Variants in UBE2R2 observed in about 807,000 individuals in gnomAD.
UBE2R2 encodes ubiquitin conjugating enzyme E2 R2.
A neutral mutation model predicts 27.8 loss-of-function variants in UBE2R2; 1 was observed. The ratio of observed to expected loss-of-function variants is 0.04; its 90% CI spans 0.01 to 0.17. The LOEUF (loss-of-function observed/expected upper bound fraction) is 0.17, where lower values mean the gene tolerates loss of function less well. UBE2R2 is among the 10% of genes least tolerant of loss of function. UBE2R2 has a pLI of 1.00. For missense variants in UBE2R2, 100 were observed against 291.0 expected (o/e 0.34, Z 4.78); for synonymous variants, 106 against 113.3 (o/e 0.94, Z 0.41).
At chr9:33,890,724 T>G (rs59591241) in intron 2 of UBE2R2, among the ~76,000 whole-genome samples, 1 of 150,642 alleles carries the variant, frequency 6.6e-6, no homozygotes, top group East Asian at 2.0e-4. Context: ...GCAAGAGAAT[T>G]GCTTGAACCC....
chr9:33,872,071 G>T (rs1320274570), intron 1 of UBE2R2, among the ~76,000 whole-genome samples: 2 of 151,916 alleles, frequency 1.3e-5, no homozygotes, highest in Admixed American at 1.3e-4. Context: ...TTTACCTCAT[G>T]AATAATTTTT....
chr9:33,838,710 C>T (rs889073094), intron 1 of UBE2R2, among the ~76,000 whole-genome samples: 1 of 152,064 alleles, frequency 6.6e-6, no homozygotes, highest in Non-Finnish European at 1.5e-5. Context: ...TAGCTCTTTA[C>T]CTCCTTCTTG....
At chr9:33,891,159 C>T (rs148108369) in intron 2 of UBE2R2, among the ~76,000 whole-genome samples, 9,065 of 150,464 alleles carry the variant, frequency 0.06, 619 homozygotes, top group African/African-American at 0.17. Flanking sequence ...AAGCTATTCT[C>T]CTGCCTCAGC....
intron 1 of UBE2R2, among the ~76,000 whole-genome samples, chr9:33,846,281 G>A (rs548104972): frequency 1.2e-4 from 19 of 152,254 alleles, no homozygotes; most frequent in Admixed American, 1.0e-3. Context: ...AGGTAACAGC[G>A]AAACTCCATC....
intron 1 of UBE2R2, among the ~76,000 whole-genome samples, chr9:33,824,075 G>A (rs1216367911): frequency 1.3e-5 from 2 of 152,132 alleles, no homozygotes; most frequent in Non-Finnish European, 2.9e-5. Context: ...ACTTTTTGTT[G>A]TTTCTCAGAA....
At chr9:33,898,230 T>C (rs928521699) in intron 2 of UBE2R2, among the ~76,000 whole-genome samples, 1 of 151,692 alleles carries the variant, frequency 6.6e-6, no homozygotes, top group Non-Finnish European at 1.5e-5. Context: ...CGATTACAGG[T>C]GCCACCACGC....
chr9:33,886,361 T>C (rs1212751371), intron 1 of UBE2R2, among the ~76,000 whole-genome samples: 1 of 152,116 alleles, frequency 6.6e-6, no homozygotes, highest in Admixed American at 6.6e-5. Context: ...TGACTTAAAA[T>C]AGCCTTTTAT....
intron 1 of UBE2R2, among the ~76,000 whole-genome samples, chr9:33,819,782 G>A (rs1334672422): frequency 2.0e-5 from 3 of 152,192 alleles, no homozygotes; most frequent in African/African-American, 7.2e-5. Flanking sequence ...GGGACTACAG[G>A]CGCACGCCAC....
At chr9:33,900,939 C>G (rs1370893132) in intron 3 of UBE2R2, among the ~76,000 whole-genome samples, 1 of 152,074 alleles carries the variant, frequency 6.6e-6, no homozygotes, top group Non-Finnish European at 1.5e-5. Context: ...CTCTCTCTCT[C>G]TCTCTGTTTC....
chr9:33,860,919 C>T (rs1027786660), intron 1 of UBE2R2, among the ~76,000 whole-genome samples: 4 of 124,618 alleles, frequency 3.2e-5, no homozygotes, highest in African/African-American at 5.9e-5. Context: ...TCCCCACAAT[C>T]GTTAACCCTG....
intron 1 of UBE2R2, among the ~76,000 whole-genome samples, chr9:33,855,183 C>G (rs1399743947): frequency 6.6e-6 from 1 of 152,184 alleles, no homozygotes. Context: ...GCAGTACATA[C>G]TGCCCCTCAT....
Position 33,903,207 on chromosome 9 carries a change from T to G in UBE2R2, c.362+2936T>G, listed in dbSNP as rs532776806. 3.3e-5 allele frequency among the ~76,000 whole-genome samples: 5 copies of G among 152,348 alleles called. No individual in the cohort carries two copies. The South Asian group carries it at 1.0e-3, about 32-fold the overall frequency. ...TAGCACATTATTTTGACATTATAATTAGACAATGTGTATAAAAGTTTTTAA... is the reference window on the plus strand; with the variant it reads ...TAGCACATTATTTTGACATTATAATGAGACAATGTGTATAAAAGTTTTTAA... On this transcript the variant is annotated intron_variant, in intron 3 of 4. Coordinates refer to ENST00000263228, the MANE Select transcript of UBE2R2 (RefSeq NM_017811.4).
At chr9:33,831,010 A>G (rs947859516) in intron 1 of UBE2R2, 3 of 147,842 alleles carry the variant, frequency 2.0e-5, no homozygotes, top group South Asian at 4.3e-4. Context: ...TTTACAACCT[A>G]TTGATCACAA....
intron 2 of UBE2R2, among the ~76,000 whole-genome samples, chr9:33,887,963 C>A (rs543923548): frequency 6.6e-6 from 1 of 152,360 alleles, no homozygotes; most frequent in South Asian, 2.1e-4. Context: ...GCGTGAGCCA[C>A]CGCGCCTGGC....
At chr9:33,826,109 G>A (rs1399912381) in intron 1 of UBE2R2, among the ~76,000 whole-genome samples, 1 of 149,014 alleles carries the variant, frequency 6.7e-6, no homozygotes, top group Non-Finnish European at 1.5e-5. Flanking sequence ...TTGTGCCACT[G>A]CACTCCAGCC....
At chr9:33,858,305 C>G (rs1821152284) in intron 1 of UBE2R2, among the ~76,000 whole-genome samples, 1 of 152,134 alleles carries the variant, frequency 6.6e-6, no homozygotes, top group Non-Finnish European at 1.5e-5. Context: ...TCTGTCCCGT[C>G]TTTACATTCT....
intron 1 of UBE2R2, among the ~76,000 whole-genome samples, chr9:33,855,832 C>G (rs1821089061): frequency 6.6e-6 from 1 of 152,212 alleles, no homozygotes; most frequent in African/African-American, 2.4e-5. Flanking sequence ...AATCCCAGCA[C>G]TTTGGGAGGC....
chr9:33,824,906 C>A (rs1333109960), intron 1 of UBE2R2, among the ~76,000 whole-genome samples: 1 of 151,606 alleles, frequency 6.6e-6, no homozygotes, highest in Non-Finnish European at 1.5e-5. Flanking sequence ...TCATTGAAAT[C>A]TTTTGGTAAA....
At chr9:33,892,176 A>G (rs1039853229) in intron 2 of UBE2R2, among the ~76,000 whole-genome samples, 15 of 151,894 alleles carry the variant, frequency 9.9e-5, no homozygotes, top group Non-Finnish European at 1.9e-4. Context: ...TGCACAATCT[A>G]TTTCCTTTCT....
Sources: gnomAD v4.1 joint callset for allele counts (sites outside exome capture counted in the v4.1 genomes callset) on GRCh38, gnomAD v4.1.1 for gene constraint, MANE v1.5 for transcripts, NCBI Gene and HGNC (gene_info 2026-07-23, HGNC 2026-07-21) for gene names.